LRRC7: variants seen among roughly 807,000 people sequenced by gnomAD.
The protein encoded by LRRC7 is leucine-rich repeat-containing protein 7.
LRRC7 carries 23 observed loss-of-function variants against 175.7 expected under a neutral mutation model. The ratio of observed to expected loss-of-function variants is 0.13; its 90% CI spans 0.09 to 0.19. The LOEUF (loss-of-function observed/expected upper bound fraction) is 0.19, where lower values mean the gene tolerates loss of function less well. LRRC7 is among the 10% of genes least tolerant of loss of function. The pLI is 1.00. For synonymous variants in LRRC7, 685 were observed against 680.9 expected, an observed-to-expected ratio of 1.01 and a Z score of -0.09; for missense variants, 1,354 against 1,904.7, an observed-to-expected ratio of 0.71 and a Z score of 5.38.
chr1:69,897,892 G>T (rs1646024693), intron 7 of LRRC7, among the ~76,000 whole-genome samples: 1 of 152,194 alleles, frequency 6.6e-6, no homozygotes, highest in African/African-American at 2.4e-5. Context: ...GGAGTTGAAA[G>T]AGAGTTTCTA....
intron 23 of LRRC7, among the ~76,000 whole-genome samples, chr1:70,059,932 A>G (rs1348529555): frequency 6.6e-6 from 1 of 152,116 alleles, no homozygotes; most frequent in African/African-American, 2.4e-5. Flanking sequence ...AAAGATATTT[A>G]AAAGTACAAC....
In LRRC7 at chr1:70,134,992, T is replaced by TCA. The variant is rs1666807941; in HGVS notation, c.*13105_*13106insCA. ...CATAACCTTTTAATGATAGGTTTAG[T>TCA]TGTAAAATCCAGAACTATTTAAATA... On this transcript the variant is annotated 3_prime_UTR_variant, in exon 27 of 27. Transcript: ENST00000651989. Among the ~76,000 whole-genome samples, 1 of 152,254 alleles carries TCA rather than the reference T, an allele frequency of 6.6e-6. No individual in the cohort carries two copies. The highest frequency in any genetic ancestry group is 2.4e-5 in the African/African-American group (1 of 41,470).
chr1:69,912,878 T>C (rs1490646366), intron 7 of LRRC7, among the ~76,000 whole-genome samples: 8 of 152,170 alleles, frequency 5.3e-5, no homozygotes, highest in Non-Finnish European at 1.2e-4. Flanking sequence ...ATCTTTCTGT[T>C]TTTTTTAACA....
At position 69,736,721 on chromosome 1, in the gene LRRC7, C is replaced by A. The variant is rs558882783; in HGVS notation, c.101-23470C>A. 3.3e-5 allele frequency among the ~76,000 whole-genome samples: 5 copies of A among 152,062 alleles called. No individual in the cohort carries two copies. In the South Asian group the frequency reaches 6.2e-4, roughly 19 times the overall value. On this transcript the variant is annotated intron_variant, in intron 2 of 26. Coordinates refer to ENST00000651989, the MANE Select transcript of LRRC7 (RefSeq NM_001370785.2). ...TAGTCAGGGCTTTGGGACTTTGCTG[C>A]CTTATCTGAGGAAAGGGGACCAGGC...
intron 7 of LRRC7, among the ~76,000 whole-genome samples, chr1:69,858,887 G>A (rs1455323212): frequency 6.6e-6 from 1 of 152,008 alleles, no homozygotes. Flanking sequence ...TGTCTCTAGA[G>A]ACAAAGAAGT....
At chr1:69,728,227 C>T (rs970863792) in intron 2 of LRRC7, among the ~76,000 whole-genome samples, 1 of 151,990 alleles carries the variant, frequency 6.6e-6, no homozygotes, top group Non-Finnish European at 1.5e-5. Flanking sequence ...AAAACAACCC[C>T]CACTCACACT....
At chr1:69,659,688 G>A (rs145861656) in intron 1 of LRRC7, among the ~76,000 whole-genome samples, 3 of 151,730 alleles carry the variant, frequency 2.0e-5, no homozygotes, top group African/African-American at 7.3e-5. Flanking sequence ...CAACAGAGAG[G>A]GTTTAAAAAA....
intron 1 of LRRC7, among the ~76,000 whole-genome samples, chr1:69,570,202 G>A (rs1221682894): frequency 6.6e-6 from 1 of 152,088 alleles, no homozygotes; most frequent in Non-Finnish European, 1.5e-5. Context: ...AGCAGGACAC[G>A]TGATCCCTCC....
chr1:69,729,447 A>G (rs915178708), intron 2 of LRRC7, among the ~76,000 whole-genome samples: 1 of 152,122 alleles, frequency 6.6e-6, no homozygotes, highest in African/African-American at 2.4e-5. Flanking sequence ...ATGTAAATAT[A>G]CCCATTCCAA....
Position 70,136,379 on chromosome 1 carries a change from T to C in LRRC7, c.*14492T>C, listed in dbSNP as rs1205045413. On this transcript the variant is annotated 3_prime_UTR_variant, in exon 27 of 27. Transcript: ENST00000651989. ...TTGTAAGTCTGCCTCCGGACCATTC[T>C]AAGGTTTGTCCTCTAGCCAATCTAT... 3.3e-5 allele frequency among the ~76,000 whole-genome samples: 5 copies of C among 152,178 alleles called. No individual in the cohort carries two copies. Among genetic ancestry groups the C allele is most frequent in the Non-Finnish European group, 7.3e-5 (5 of 68,034 alleles).
intron 21 of LRRC7, among the ~76,000 whole-genome samples, chr1:70,041,612 C>T (rs1388924711): frequency 6.6e-6 from 1 of 152,098 alleles, no homozygotes; most frequent in Non-Finnish European, 1.5e-5. Context: ...GTAGACACGA[C>T]CATACGTAAC....
At chr1:70,050,283 G>A (rs750088324) in intron 22 of LRRC7, among the ~76,000 whole-genome samples, 5 of 151,942 alleles carry the variant, frequency 3.3e-5, no homozygotes, top group African/African-American at 9.7e-5. Flanking sequence ...TCAAAATTAC[G>A]AATGTTAAAT....
intron 8 of LRRC7, among the ~76,000 whole-genome samples, chr1:69,952,707 T>C (rs905052854): frequency 6.6e-6 from 1 of 152,024 alleles, no homozygotes; most frequent in African/African-American, 2.4e-5. Context: ...AACTGCATTC[T>C]TCATGTTCAG....
chr1:70,110,675 CA>C lies in LRRC7; in HGVS notation c.4620+2850del, dbSNP rs559607079. Among the ~76,000 whole-genome samples the C allele has an allele frequency of 1.6e-4, 24 of 152,266 alleles. No homozygotes were observed. In the South Asian group the frequency reaches 2.5e-3, roughly 16 times the overall value. ...GACATTTTATTTTTGCCATAGAACT[CA>C]CTTGTACCTAGTCCAATAAAATCAA... On this transcript the variant is annotated intron_variant, in intron 26 of 26. Transcript: ENST00000651989.
intron 1 of LRRC7, 101 bp downstream of exon 1, chr1:69,568,742 G>T (rs1645604048): frequency 1.2e-6 from 1 of 831,208 alleles, no homozygotes. Context: ...CCGGCCGGGG[G>T]CGGGGGTGGC....
rs1014667250 is a variant in LRRC7, at chr1:70,125,528, C to T, written c.*3641C>T. 2.2e-4 allele frequency among the ~76,000 whole-genome samples: 34 copies of T among 152,140 alleles called. No homozygotes were observed. Among genetic ancestry groups the T allele is most frequent in the Admixed American group, 1.6e-3 (24 of 15,278 alleles). On this transcript the variant is annotated 3_prime_UTR_variant, in exon 27 of 27. Coordinates refer to ENST00000651989, the MANE Select transcript of LRRC7 (RefSeq NM_001370785.2). ...AGAGAGAGGGCCGGGCGCGGTGGCT[C>T]ACGCCTGTAATCCCAGCACTTTGGG...
chr1:69,976,221 C>T (rs1308479977), intron 8 of LRRC7, among the ~76,000 whole-genome samples: 1 of 151,946 alleles, frequency 6.6e-6, no homozygotes, highest in Non-Finnish European at 1.5e-5. Context: ...ATCATAAGGC[C>T]CCAAAATAGG....
chr1:70,129,584 C>T lies in LRRC7; in HGVS notation c.*7697C>T, dbSNP rs1362282870. ...CTAGGTTCAGCGGCCCCAAAAAGTC[C>T]CTCCTATGACCACTGTCAGGGAGCG... On this transcript the variant is annotated 3_prime_UTR_variant, in exon 27 of 27. Transcript: ENST00000651989. Among the ~76,000 whole-genome samples the T allele has an allele frequency of 6.6e-6, 1 of 152,112 alleles. No individual in the cohort carries two copies. The highest frequency in any genetic ancestry group is 1.5e-5 in the Non-Finnish European group (1 of 68,018).
chr1:70,063,949 CTGCTA>C (rs1032392256), intron 23 of LRRC7, among the ~76,000 whole-genome samples: 1 of 152,014 alleles, frequency 6.6e-6, no homozygotes, highest in African/African-American at 2.4e-5. Context: ...TATCAGCCAG[CTGCTA>C]TGCTAAGACA....
Sources: allele counts gnomAD v4.1 joint callset (sites outside exome capture counted in the v4.1 genomes callset), GRCh38; gene constraint gnomAD v4.1.1; transcripts MANE v1.5; gene names NCBI Gene and HGNC (gene_info 2026-07-23, HGNC 2026-07-21).